Variants in LRP1B observed in about 807,000 individuals in gnomAD.
LRP1B encodes LDL receptor related protein 1B.
In LRP1B, 217 loss-of-function variants were observed where a neutral mutation model predicts 556.6. The observed-to-expected ratio is 0.39, with a 90% CI of 0.35 to 0.44. The LOEUF is 0.44. LRP1B is among the 20% of genes least tolerant of loss of function. LRP1B has a pLI of 1.00. For synonymous variants in LRP1B, 2,047 were observed against 1,865.8 expected (o/e 1.10, Z -2.50); for missense variants, 5,053 against 5,620.8 (o/e 0.90, Z 3.23).
intron 86 of LRP1B, among the ~76,000 whole-genome samples, chr2:140,268,009 C>A (rs747374707): frequency 1.9e-4 from 29 of 151,954 alleles, no homozygotes; most frequent in Middle Eastern, 3.4e-3. Context: ...CAGGTACATT[C>A]TCTGCACAGG....
intron 4 of LRP1B, among the ~76,000 whole-genome samples, chr2:141,253,044 G>C (rs1478280472): frequency 6.6e-6 from 1 of 152,144 alleles, no homozygotes; most frequent in Non-Finnish European, 1.5e-5. Context: ...CTGCACCCTT[G>C]CAAAAGGAAC....
chr2:140,706,620 G>A (rs1574263961), intron 37 of LRP1B, among the ~76,000 whole-genome samples: 1 of 152,090 alleles, frequency 6.6e-6, no homozygotes, highest in East Asian at 1.9e-4. Flanking sequence ...CAGGAAGACA[G>A]TGCAATGAGC....
At chr2:141,878,814 T>C (rs1369534) in intron 1 of LRP1B, among the ~76,000 whole-genome samples, 80,252 of 151,592 alleles carry the variant, frequency 0.53, 22,595 homozygotes, top group Middle Eastern at 0.67. Context: ...ATTTGGAATT[T>C]TTTTTTATTT....
intron 5 of LRP1B, among the ~76,000 whole-genome samples, chr2:141,244,357 C>T (rs1409633360): frequency 1.3e-5 from 2 of 152,166 alleles, no homozygotes; most frequent in Non-Finnish European, 2.9e-5. Context: ...TTCGGGCCTT[C>T]CCTTGTTTTC....
At chr2:141,095,150 A>G (rs1289147147) in intron 7 of LRP1B, among the ~76,000 whole-genome samples, 4 of 151,946 alleles carry the variant, frequency 2.6e-5, no homozygotes, top group Non-Finnish European at 5.9e-5. Context: ...TGGCCCTTCA[A>G]TCTTGGATTT....
At chr2:140,808,414 T>C (rs1209061687) in intron 32 of LRP1B, among the ~76,000 whole-genome samples, 2 of 152,190 alleles carry the variant, frequency 1.3e-5, no homozygotes, top group East Asian at 3.9e-4. Flanking sequence ...GTTAAGCAGT[T>C]GTTAGTTCAC....
At chr2:140,446,776 T>G (rs1415725415) in intron 63 of LRP1B, among the ~76,000 whole-genome samples, 1 of 151,898 alleles carries the variant, frequency 6.6e-6, no homozygotes, top group Admixed American at 6.6e-5. Flanking sequence ...GTAAAAACTG[T>G]TTGGATATGA....
intron 43 of LRP1B, among the ~76,000 whole-genome samples, chr2:140,591,309 C>T (rs1013458561): frequency 4.6e-5 from 7 of 152,144 alleles, no homozygotes; most frequent in Non-Finnish European, 1.0e-4. Context: ...ATATACAGTT[C>T]TATCTATTCA....
intron 67 of LRP1B, among the ~76,000 whole-genome samples, chr2:140,379,325 C>T (rs1367065703): frequency 6.6e-6 from 1 of 152,172 alleles, no homozygotes; most frequent in African/African-American, 2.4e-5. Flanking sequence ...TTGCTCTACA[C>T]AATCCCTTGG....
rs1693312652 is a variant in LRP1B, at chr2:140,876,597, C to T, written c.4169+7220G>A. ...TACCATCCCTGTACAGGGTTCCTGA[C>T]CTGGGGTGAGTAAAGAACATCATTT... On this transcript the variant is annotated intron_variant, in intron 25 of 90. Coordinates refer to ENST00000389484, the MANE Select transcript of LRP1B (RefSeq NM_018557.3). Among the ~76,000 whole-genome samples the T allele has an allele frequency of 2.0e-5, 3 of 152,156 alleles. No homozygotes were observed. In the South Asian group the frequency reaches 6.2e-4, roughly 32 times the overall value.
intron 41 of LRP1B, among the ~76,000 whole-genome samples, chr2:140,698,331 A>G (rs1686508891): frequency 6.6e-6 from 1 of 152,080 alleles, no homozygotes; most frequent in South Asian, 2.1e-4. Context: ...GGTCATGTCT[A>G]TATCTATTTA....
At chr2:142,069,038 C>T (rs1212231762) in intron 1 of LRP1B, among the ~76,000 whole-genome samples, 1 of 151,320 alleles carries the variant, frequency 6.6e-6, no homozygotes, top group East Asian at 2.0e-4. Context: ...CTCTGTCTCT[C>T]CTTCCCATCT....
At chr2:141,402,392 G>A (rs1690479501) in intron 3 of LRP1B, among the ~76,000 whole-genome samples, 1 of 152,018 alleles carries the variant, frequency 6.6e-6, no homozygotes, top group Non-Finnish European at 1.5e-5. Context: ...ATACAAAAAT[G>A]TATTTGGACC....
At chr2:140,299,519 T>C (rs1683733411) in intron 83 of LRP1B, among the ~76,000 whole-genome samples, 2 of 152,228 alleles carry the variant, frequency 1.3e-5, no homozygotes, top group South Asian at 4.1e-4. Flanking sequence ...TAATCTCATA[T>C]TTTTTTGTTG....
chr2:141,314,726 G>A (rs1487852195), intron 3 of LRP1B, among the ~76,000 whole-genome samples: 1 of 148,808 alleles, frequency 6.7e-6, no homozygotes, highest in Non-Finnish European at 1.5e-5. Context: ...GGGAGACAGA[G>A]TTTGCAGTGA....
At chr2:140,483,597 G>GACACAC (rs1226188096) in intron 59 of LRP1B, among the ~76,000 whole-genome samples, 320 of 118,342 alleles carry the variant, frequency 2.7e-3, no homozygotes, top group Non-Finnish European at 2.9e-3. Flanking sequence ...CATATATATA[G>GACACAC]ACACACACAC....
chr2:140,321,024 C>G (rs572527946), intron 82 of LRP1B, among the ~76,000 whole-genome samples: 16 of 151,954 alleles, frequency 1.1e-4, no homozygotes, highest in African/African-American at 3.9e-4. Context: ...CCACTGCACT[C>G]CAGCCTGGGT....
intron 41 of LRP1B, among the ~76,000 whole-genome samples, chr2:140,627,175 T>A (rs1183371989): frequency 1.3e-5 from 2 of 152,072 alleles, no homozygotes; most frequent in South Asian, 2.1e-4. Flanking sequence ...TACAGACAAA[T>A]TGTTTACCAA....
At chr2:141,277,160 T>C (rs936317481) in intron 3 of LRP1B, among the ~76,000 whole-genome samples, 2 of 151,682 alleles carry the variant, frequency 1.3e-5, no homozygotes, top group African/African-American at 2.4e-5. Flanking sequence ...TATTTAATAA[T>C]GGGATTCCTG....
Sources: allele counts gnomAD v4.1 joint callset (sites outside exome capture counted in the v4.1 genomes callset), GRCh38; gene constraint gnomAD v4.1.1; transcripts MANE v1.5; gene names NCBI Gene and HGNC (gene_info 2026-07-23, HGNC 2026-07-21).